Variants in FER observed in about 807,000 individuals in gnomAD.
FER encodes the protein tyrosine-protein kinase Fer.
In FER, 63 loss-of-function variants were observed where a neutral mutation model predicts 111.0. The observed-to-expected ratio is 0.57, with a 90% CI of 0.46 to 0.70. The LOEUF (loss-of-function observed/expected upper bound fraction) is 0.70, where lower values mean the gene tolerates loss of function less well. Among genes scored for constraint, FER ranks in the 30% least tolerant of loss-of-function variants. FER has a pLI of 0.00. For synonymous variants in FER, 327 were observed against 313.9 expected, an observed-to-expected ratio of 1.04 and a Z score of -0.44; for missense variants, 914 against 954.0, an observed-to-expected ratio of 0.96 and a Z score of 0.55.
intron 10 of FER, among the ~76,000 whole-genome samples, chr5:108,911,171 C>A (rs191287715): frequency 2.6e-5 from 4 of 152,030 alleles, no homozygotes; most frequent in Non-Finnish European, 5.9e-5. Context: ...TTCTGACTGA[C>A]GTAAAATGAT....
intron 17 of FER, among the ~76,000 whole-genome samples, chr5:109,108,053 A>C (rs562918926): frequency 6.6e-6 from 1 of 152,164 alleles, no homozygotes; most frequent in African/African-American, 2.4e-5. Context: ...TCTTGTGTGC[A>C]AGGGGATAGT....
chr5:109,109,644 C>T (rs114755367), intron 17 of FER, among the ~76,000 whole-genome samples: 2,842 of 152,232 alleles, frequency 0.019, 81 homozygotes, highest in African/African-American at 0.065. Flanking sequence ...CCCACAGCAT[C>T]TCAGGGGGAC....
intron 13 of FER, among the ~76,000 whole-genome samples, chr5:109,035,033 C>CTTTTTTTTT (rs554716544): frequency 1.7e-5 from 2 of 119,666 alleles, no homozygotes; most frequent in Admixed American, 8.7e-5. Flanking sequence ...AGAAATTGAA[C>CTTTTTTTTT]TTTTTTTTTT....
At chr5:108,880,144 G>A (rs759306554) in intron 8 of FER, among the ~76,000 whole-genome samples, 4 of 152,082 alleles carry the variant, frequency 2.6e-5, no homozygotes, top group African/African-American at 7.2e-5. Flanking sequence ...TCTGACACAA[G>A]GAATGTGTTT....
At chr5:109,142,281 C>T (rs1425140409) in intron 17 of FER, among the ~76,000 whole-genome samples, 1 of 152,132 alleles carries the variant, frequency 6.6e-6, no homozygotes, top group East Asian at 1.9e-4. Context: ...GATATTAGAA[C>T]ATTTGAAAAC....
chr5:108,835,536 A>G (rs1431036342), intron 4 of FER, among the ~76,000 whole-genome samples, 172 bp from the exon 5 acceptor site: 69 of 152,148 alleles, frequency 4.5e-4, no homozygotes, highest in Non-Finnish European at 1.6e-4. Context: ...TATTGAATTT[A>G]GTACTGATTT....
chr5:109,121,900 C>G (rs1023668861), intron 17 of FER, among the ~76,000 whole-genome samples: 1 of 151,966 alleles, frequency 6.6e-6, no homozygotes, highest in Non-Finnish European at 1.5e-5. Flanking sequence ...CTCATAGTAG[C>G]CGCTAATGAT....
intron 13 of FER, among the ~76,000 whole-genome samples, chr5:108,977,262 G>T (rs1001457517): frequency 6.6e-6 from 1 of 152,140 alleles, no homozygotes; most frequent in East Asian, 1.9e-4. Context: ...GTCTGTTTGT[G>T]TATAAATTCT....
intron 10 of FER, among the ~76,000 whole-genome samples, chr5:108,902,923 A>T (rs1323034499): frequency 1.3e-5 from 2 of 151,684 alleles, no homozygotes; most frequent in Non-Finnish European, 2.9e-5. Flanking sequence ...TTATTTATTT[A>T]TTTATTAAGA....
chr5:108,917,185 C>G, intron 10 of FER, among the ~76,000 whole-genome samples: 1 of 152,108 alleles, frequency 6.6e-6, no homozygotes, highest in East Asian at 1.9e-4. Context: ...AGCTATTTAA[C>G]TCAACAGAAA....
intron 17 of FER, among the ~76,000 whole-genome samples, chr5:109,119,550 T>A (rs554367313): frequency 1.3e-5 from 2 of 152,120 alleles, no homozygotes; most frequent in Non-Finnish European, 2.9e-5. Context: ...CTGAGTTCAA[T>A]TCCTGGATAT....
At chr5:108,873,627 T>A (rs1374393129) in intron 8 of FER, among the ~76,000 whole-genome samples, 1 of 152,188 alleles carries the variant, frequency 6.6e-6, no homozygotes, top group East Asian at 1.9e-4. Context: ...TTGGGATTTT[T>A]GAAGCTGTTC....
intron 16 of FER, among the ~76,000 whole-genome samples, chr5:109,093,211 T>G (rs914408958): frequency 6.6e-6 from 1 of 152,206 alleles, no homozygotes; most frequent in African/African-American, 2.4e-5. Flanking sequence ...GATTGGACTG[T>G]ACATTTAAAA....
At chr5:109,016,108 G>C (rs1226357214) in intron 13 of FER, among the ~76,000 whole-genome samples, 2 of 151,906 alleles carry the variant, frequency 1.3e-5, no homozygotes, top group Admixed American at 1.3e-4. Flanking sequence ...CTCTATATCT[G>C]ACCTAAGTTG....
intron 16 of FER, chr5:109,052,069 A>G (rs939607613): frequency 4.4e-5 from 70 of 1,603,672 alleles, no homozygotes; most frequent in East Asian, 1.3e-4. Flanking sequence ...CTTTATCTCA[A>G]TCTGCTTCAA....
intron 11 of FER, among the ~76,000 whole-genome samples, chr5:108,947,983 A>G (rs1037885624): frequency 5.3e-5 from 8 of 152,006 alleles, no homozygotes; most frequent in Admixed American, 2.0e-4. Flanking sequence ...CGGCCCCGCT[A>G]AGAGTTCAAA....
intron 10 of FER, among the ~76,000 whole-genome samples, chr5:108,908,130 C>T (rs527802822): frequency 3.9e-5 from 6 of 152,026 alleles, no homozygotes; most frequent in Non-Finnish European, 8.8e-5. Context: ...ACCTGGCGTT[C>T]GTTTTGTGTT....
chr5:108,899,635 A>G (rs1412159072), intron 10 of FER, among the ~76,000 whole-genome samples: 1 of 151,258 alleles, frequency 6.6e-6, no homozygotes, highest in Non-Finnish European at 1.5e-5. Context: ...TGTCTCTACT[A>G]AAATACAAAA....
intron 17 of FER, among the ~76,000 whole-genome samples, chr5:109,118,268 T>C (rs1290759757): frequency 6.6e-6 from 1 of 152,190 alleles, no homozygotes; most frequent in African/African-American, 2.4e-5. Flanking sequence ...GATAATCATA[T>C]GGTTTTTGTC....
Sources: gnomAD v4.1 joint callset for allele counts (sites outside exome capture counted in the v4.1 genomes callset) on GRCh38, gnomAD v4.1.1 for gene constraint, MANE v1.5 for transcripts, NCBI Gene and HGNC (gene_info 2026-07-23, HGNC 2026-07-21) for gene names.